Variants in COL21A1 observed in about 807,000 individuals in gnomAD.
The protein encoded by COL21A1 is collagen type XXI alpha 1 chain, also known as collagen alpha-1(XXI) chain.
Under a neutral mutation model 137.9 loss-of-function variants are expected in COL21A1, and 149 were observed. The observed-to-expected ratio is 1.08, with a 90% CI of 0.95 to 1.24. COL21A1 has a LOEUF of 1.24. COL21A1 is among the 50% of genes most tolerant of loss of function. The probability of loss-of-function intolerance (pLI) is 0.00; values close to 1 mark genes in which losing one functional copy is unlikely to be tolerated. For synonymous variants in COL21A1, 456 were observed against 391.5 expected (o/e 1.16, Z -1.95); for missense variants, 1,167 against 1,158.4 (o/e 1.01, Z -0.11).
chr6:56,332,739 T>C (rs1235700477), intron 1 of COL21A1, among the ~76,000 whole-genome samples: 1 of 152,014 alleles, frequency 6.6e-6, no homozygotes, highest in Non-Finnish European at 1.5e-5. Flanking sequence ...ATCTTTCTAC[T>C]CAGTTATAAT....
At chr6:56,060,239 C>T in intron 27 of COL21A1, 21 bp from the exon 28 acceptor site, 1 of 1,555,498 alleles carries the variant, frequency 6.4e-7, no homozygotes, top group Non-Finnish European at 8.7e-7. Context: ...CAAAGAAACC[C>T]CATCCCTTAT....
At position 56,124,072 on chromosome 6, in the gene COL21A1, G is replaced by C. The variant is rs192244210; in HGVS notation, c.1748C>G (p.Pro583Arg). 0.014 allele frequency: 20,940 copies of C among 1,515,634 alleles called. 170 individuals carry two copies. Among genetic ancestry groups the C allele is most frequent in the Non-Finnish European group, 0.017 (18,771 of 1,134,788 alleles). The allele number at this position is 1,515,634 out of a possible 1,614,324, so 93.9% of individuals were successfully genotyped here. Residue 583 changes from proline to arginine, a missense_variant, in exon 16 of 30, where the codon CCC becomes CGC. Physicochemically the swap from Pro to Arg is moderately radical, Grantham distance 103 (BLOSUM62 -2). Coordinates refer to ENST00000244728, the MANE Select transcript of COL21A1 (RefSeq NM_030820.4). The part of the protein sequence containing the change: ...RHGKDGLMGS[P>R]GFKGEAGSPG... ...TTTTTTTATAAATACCTTGAAACCG[G>C]GACTACCCATTAATCCATCCTTTCC...
chr6:56,139,647 C>G (rs1300523189), intron 12 of COL21A1, among the ~76,000 whole-genome samples: 6 of 152,164 alleles, frequency 3.9e-5, no homozygotes, highest in African/African-American at 1.4e-4. Context: ...CATGTATTCT[C>G]TAACATTTTT....
At chr6:56,225,089 A>G (rs899672968) in intron 1 of COL21A1, among the ~76,000 whole-genome samples, 2 of 152,076 alleles carry the variant, frequency 1.3e-5, no homozygotes, top group African/African-American at 4.8e-5. Context: ...AAAAATGATC[A>G]CTTTAACCAC....
At chr6:56,364,702 G>A (rs372517390) in intron 1 of COL21A1, among the ~76,000 whole-genome samples, 18 of 150,522 alleles carry the variant, frequency 1.2e-4, no homozygotes, top group East Asian at 1.2e-3. Context: ...AGACTACAAA[G>A]AGCAGCTATG....
intron 1 of COL21A1, among the ~76,000 whole-genome samples, chr6:56,237,326 T>C (rs1005861226): frequency 6.6e-6 from 1 of 152,066 alleles, no homozygotes. Context: ...GCATTGGCAA[T>C]ACAAAAACAA....
rs146111985 is a variant in COL21A1 at position 56,335,445 on chromosome 6, G to A, written c.-39+58526C>T. 5.8e-4 allele frequency among the ~76,000 whole-genome samples: 89 copies of A among 152,218 alleles called. 2 individuals carry two copies. In the East Asian group the frequency reaches 0.01, roughly 18 times the overall value. On this transcript the variant is annotated intron_variant, in intron 1 of 28. Transcript: ENST00000370819. ...CCACAGCTCCTGTAACAATCGGCCC[G>A]AAATAGCCAGGATTTAATTTATAAC...
chr6:56,254,731 T>A (rs543724928), intron 1 of COL21A1, among the ~76,000 whole-genome samples: 1 of 152,344 alleles, frequency 6.6e-6, no homozygotes, highest in East Asian at 1.9e-4. Context: ...TTCTTAAAGG[T>A]CATATTTTTA....
At chr6:56,354,295 T>C (rs1765783603) in intron 1 of COL21A1, among the ~76,000 whole-genome samples, 1 of 152,240 alleles carries the variant, frequency 6.6e-6, no homozygotes, top group Non-Finnish European at 1.5e-5. Context: ...GTTATACAGG[T>C]GTGGTTGTCC....
rs1480482992 is a variant in COL21A1, at chr6:56,083,584, G to A, written c.1813-6011C>T. Among the ~76,000 whole-genome samples, 52 of 151,892 alleles carry A rather than the reference G, an allele frequency of 3.4e-4. No homozygotes were observed. In the Admixed American group the frequency reaches 3.4e-3, roughly 10 times the overall value. On this transcript the variant is annotated intron_variant, in intron 17 of 29. Transcript: ENST00000244728. Reference sequence around the variant, plus strand: ...AAATTATGGCTATCTTTGGGGAGAGGAGGGAGTTGTCATATTTTGCCTACC... The same window carrying A: ...AAATTATGGCTATCTTTGGGGAGAGAAGGGAGTTGTCATATTTTGCCTACC...
chr6:56,374,591 G>A (rs760398826), intron 1 of COL21A1, among the ~76,000 whole-genome samples: 18 of 151,848 alleles, frequency 1.2e-4, no homozygotes, highest in African/African-American at 2.2e-4. Flanking sequence ...GCATGGTGGC[G>A]CGTACCTGGA....
In COL21A1 at chr6:56,193,596, T is replaced by C. The variant is rs890213474; in HGVS notation, c.-38-10940A>G. Among the ~76,000 whole-genome samples, 3 of 152,174 alleles carry C rather than the reference T, an allele frequency of 2.0e-5. No homozygotes were observed. The East Asian group carries it at 5.8e-4, about 29-fold the overall frequency. On this transcript the variant is annotated intron_variant, in intron 1 of 29. Transcript: ENST00000244728. ...CATTTGCAAAGTCAGTATTCAGATA[T>C]ATGAACTCATCTAAGGCAATTAAAC...
chr6:56,162,469 G>A (rs1776264761), intron 9 of COL21A1, among the ~76,000 whole-genome samples: 1 of 152,198 alleles, frequency 6.6e-6, no homozygotes, highest in South Asian at 2.1e-4. Context: ...CAATGGGTGT[G>A]CTAAAAATTT....
chr6:56,164,642 C>T (rs1776437638), intron 8 of COL21A1, 136 bp from the exon 9 acceptor site: 1 of 866,684 alleles, frequency 1.2e-6, no homozygotes. Flanking sequence ...TTATCTAACC[C>T]AACCCAATAG....
chr6:56,061,606 C>T lies in COL21A1; in HGVS notation c.2205+43G>A, dbSNP rs376969126. The stretch of plus-strand genomic sequence containing the variant: ...GTATTGAAACCCAAGCAAAAAGGAC[C>T]GAAGAAAGAGAGCAAGAGAGCATAA... On this transcript the variant is annotated intron_variant, in intron 25 of 29. Transcript: ENST00000244728. 412 of 1,445,110 alleles carry T rather than the reference C, an allele frequency of 2.9e-4. 1 individual carries two copies. In the African/African-American group the frequency reaches 4.1e-3, roughly 14 times the overall value. 89.5% of individuals were successfully genotyped at this position (1,445,110 alleles called of 1,614,324 possible). A position where few individuals can be genotyped will look rare whatever the true frequency, so the allele number is the denominator to read the frequency against.
At chr6:56,225,261 A>C (rs1258859144) in intron 1 of COL21A1, among the ~76,000 whole-genome samples, 1 of 152,074 alleles carries the variant, frequency 6.6e-6, no homozygotes, top group Non-Finnish European at 1.5e-5. Flanking sequence ...ATTTCTTTAA[A>C]TCTTTTTGAA....
At chr6:56,287,399 G>T (rs1401564925) in intron 1 of COL21A1, among the ~76,000 whole-genome samples, 1 of 152,146 alleles carries the variant, frequency 6.6e-6, no homozygotes, top group African/African-American at 2.4e-5. Flanking sequence ...GTAATCCTTA[G>T]TGTTGGAGGA....
At chr6:56,126,512 A>G (rs1177412154) in intron 12 of COL21A1, 1 of 189,324 alleles carries the variant, frequency 5.3e-6, no homozygotes. Flanking sequence ...CTGAGGTCCA[A>G]TCCAGCTCAG....
chr6:56,303,017 T>C (rs1764341084), intron 1 of COL21A1, among the ~76,000 whole-genome samples: 1 of 152,062 alleles, frequency 6.6e-6, no homozygotes, highest in Admixed American at 6.6e-5. Flanking sequence ...TTTTCTCAGG[T>C]TTGTCAAAGA....
Sources: gnomAD v4.1 joint callset for allele counts (sites outside exome capture counted in the v4.1 genomes callset) on GRCh38, gnomAD v4.1.1 for gene constraint, MANE v1.5 for transcripts, NCBI Gene and HGNC (gene_info 2026-07-23, HGNC 2026-07-21) for gene names.